DUSP2: variants seen among roughly 807,000 people sequenced by gnomAD.
The protein encoded by DUSP2 is dual specificity protein phosphatase 2.
A neutral mutation model predicts 23.3 loss-of-function variants in DUSP2; 20 were observed. That is an observed-to-expected ratio of 0.86 (90% CI 0.60 to 1.25). The LOEUF (loss-of-function observed/expected upper bound fraction) is 1.25. DUSP2 is among the 50% of genes most tolerant of loss of function. The pLI, the probability that DUSP2 is intolerant of heterozygous loss-of-function variation, is 0.00. For synonymous variants in DUSP2, 231 were observed against 209.7 expected, an observed-to-expected ratio of 1.10 and a Z score of -0.88; for missense variants, 435 against 452.6, an observed-to-expected ratio of 0.96 and a Z score of 0.35.
At chr2:96,144,460 C>T (rs549966683) in intron 2 of DUSP2, 87 bp from the exon 3 acceptor site, 5 of 1,382,268 alleles carry the variant, frequency 3.6e-6, no homozygotes, top group African/African-American at 1.4e-5. Context: ...ATGGGCTGGC[C>T]GAGACAAGAG....
chr2:96,144,503 G>A, intron 2 of DUSP2, 130 bp from the exon 3 acceptor site: 1 of 903,040 alleles, frequency 1.1e-6, no homozygotes, highest in Non-Finnish European at 1.7e-6. Flanking sequence ...ACCTGAGACA[G>A]GTCTCAGGAA....
Position 96,143,816 on chromosome 2 carries a change from C to T in DUSP2, c.*7G>A, listed in dbSNP as rs777787330. 7 of 1,611,716 alleles carry T rather than the reference C, an allele frequency of 4.3e-6. No homozygotes were observed. The highest frequency in any genetic ancestry group is 5.9e-6 in the Non-Finnish European group (7 of 1,179,624). ...ACAGTGGGGCAGGCAGGCAGAGGGG[C>T]ACCACCTCAGTGACACAGCACCTGG... On this transcript the variant is annotated 3_prime_UTR_variant, in exon 4 of 4. Transcript: ENST00000288943.
At position 96,145,061 on chromosome 2, in the gene DUSP2, C is replaced by T; in HGVS notation, c.294G>A (p.Val98=). The part of the protein sequence containing the change: ...AVVLDEGSAS[V]AELRPDSPAH... ...CCGGGCTGTCGGGCCGGAGCTCCGC[C>T]ACCGAGGCACTGCCCTCGTCCAGCA... Residue 98 remains valine (V), a synonymous_variant, in exon 1 of 4, where the codon GTG becomes GTA. Transcript: ENST00000288943. 6.6e-7 allele frequency: 1 copy of T among 1,523,246 alleles called. No homozygotes were observed. Among genetic ancestry groups the T allele is most frequent in the East Asian group, 2.5e-5 (1 of 39,792 alleles). 94.4% of individuals were successfully genotyped at this position (1,523,246 alleles called of 1,614,324 possible).
chr2:96,144,966 C>A lies in DUSP2; in HGVS notation c.388+1G>T, dbSNP rs887928269. The stretch of plus-strand genomic sequence containing the variant: ...GGGCCAAGGGCGGCCGGCTTGCTCA[C>A]CTCGCAGGAAGTACACGGCAGTGGG... On this transcript the variant is annotated splice_donor_variant, in intron 1 of 3. Transcript: ENST00000288943. LOFTEE classifies it high-confidence loss of function. The A allele has an allele frequency of 4.5e-6, 7 of 1,546,348 alleles. No homozygotes were observed. Among genetic ancestry groups the A allele is most frequent in the Non-Finnish European group, 6.1e-6 (7 of 1,148,928 alleles).
rs1244331773 is a variant in DUSP2 at position 96,145,319 on chromosome 2, C to T, written c.36G>A (p.Ala12=). ...GLEAARELEC[A]ALGTLLRDPR... ...GATCCCGCAGCAGCGTGCCCAGCGCCGCGCACTCCAGCTCGCGCGCCGCCT... is the reference window on the plus strand; with the variant it reads ...GATCCCGCAGCAGCGTGCCCAGCGCTGCGCACTCCAGCTCGCGCGCCGCCT... The change falls in exon 1 of 4, where the codon GCG becomes GCA. Residue 12 remains alanine, a synonymous_variant. Transcript: ENST00000288943. 19 of 1,426,780 alleles carry T rather than the reference C, an allele frequency of 1.3e-5. No individual in the cohort carries two copies. Among genetic ancestry groups the T allele is most frequent in the Middle Eastern group, 2.7e-4 (1 of 3,766 alleles). The allele number at this position is 1,426,780 out of a possible 1,614,324, so 88.4% of individuals were successfully genotyped here.
chr2:96,145,146 A>C lies in DUSP2; in HGVS notation c.209T>G (p.Leu70Arg). Residue 70 changes from leucine (L) to arginine (R), a missense_variant, in exon 1 of 4, where the codon CTG becomes CGG. Leu to Arg is a moderately radical substitution (Grantham distance 102). Coordinates refer to ENST00000288943, the MANE Select transcript of DUSP2 (RefSeq NM_004418.4). Reference sequence around the variant, plus strand: ...CGTCCGCAGCGCGCGGTCGGGCAGCAGGCAGGCGAGAACGGCGGCAGGAGG... The same window carrying C: ...CGTCCGCAGCGCGCGGTCGGGCAGCCGGCAGGCGAGAACGGCGGCAGGAGG... ...RGPPAAVLACLLPDRALRTRL... is the reference protein window; with the variant it reads ...RGPPAAVLACRLPDRALRTRL... 1 of 1,337,642 alleles carries C rather than the reference A, an allele frequency of 7.5e-7. No homozygotes were observed. The highest frequency in any genetic ancestry group is 9.5e-7 in the Non-Finnish European group (1 of 1,051,856). The allele number at this position is 1,337,642 out of a possible 1,614,324, so 82.9% of individuals were successfully genotyped here.
In DUSP2 at chr2:96,143,623, A is replaced by AG. The variant is rs1682443481; in HGVS notation, c.*199dup. ...CCGACCCCGAATGAGGGCCAGCCTC[A>AG]GTCCCCCAGCAGAAGAGCACCAGGT... On this transcript the variant is annotated 3_prime_UTR_variant, in exon 4 of 4. Coordinates refer to ENST00000288943, the MANE Select transcript of DUSP2 (RefSeq NM_004418.4). The AG allele has an allele frequency of 3.1e-6, 2 of 653,942 alleles. No individual in the cohort carries two copies. The highest frequency in any genetic ancestry group is 3.7e-5 in the African/African-American group (2 of 54,780). The allele number at this position is 653,942 out of a possible 1,614,324, so 40.5% of individuals were successfully genotyped here.
In DUSP2 at chr2:96,145,213, G is replaced by C; in HGVS notation, c.142C>G (p.Pro48Ala). Residue 48 changes from proline to alanine, a missense_variant, in exon 1 of 4, where the codon CCA becomes GCA. Pro to Ala is a conservative substitution (Grantham distance 27, BLOSUM62 -1). Coordinates refer to ENST00000288943, the MANE Select transcript of DUSP2 (RefSeq NM_004418.4). ...CGCAGCAGCGCGTTCCAAGGCACTG[G>C]CCGCGCGGCGCGCACGTGGCGCCGG... ...FCRRHVRAAR[P>A]VPWNALLRRR... 12 of 1,273,250 alleles carry C rather than the reference G, an allele frequency of 9.4e-6. No individual in the cohort carries two copies. The highest frequency in any genetic ancestry group is 1.6e-5 in the African/African-American group (1 of 64,144). The allele number at this position is 1,273,250 out of a possible 1,614,324, so 78.9% of individuals were successfully genotyped here.
chr2:96,144,472 A>T, intron 2 of DUSP2, 99 bp from the exon 3 acceptor site: 1 of 1,207,374 alleles, frequency 8.3e-7, no homozygotes, highest in South Asian at 1.4e-5. Flanking sequence ...AGACAAGAGG[A>T]CTCCTCAGCC....
chr2:96,143,180 A>G lies in DUSP2; in HGVS notation c.*643T>C, dbSNP rs1347045418. 6.5e-6 allele frequency: 1 copy of G among 152,684 alleles called. No individual in the cohort carries two copies. Among genetic ancestry groups the G allele is most frequent in the African/African-American group, 2.4e-5 (1 of 41,468 alleles). The allele number at this position is 152,684 out of a possible 1,614,324, so 9.5% of individuals were successfully genotyped here. Reference sequence around the variant, plus strand: ...CAGATGCTGGGTTGTTGTTTTTTAAATATAACAATATTTTATTGACATATC... The same window carrying G: ...CAGATGCTGGGTTGTTGTTTTTTAAGTATAACAATATTTTATTGACATATC... On this transcript the variant is annotated 3_prime_UTR_variant, in exon 4 of 4. Transcript: ENST00000288943.
At position 96,145,153 on chromosome 2, in the gene DUSP2, C is replaced by T; in HGVS notation, c.202G>A (p.Ala68Thr). Residue 68 changes from alanine (A) to threonine (T), a missense_variant, in exon 1 of 4, where the codon GCC (alanine) becomes ACC (threonine). Transcript: ENST00000288943. ...RARGPPAAVL[A>T]CLLPDRALRT... is the part of the protein sequence containing the mutation. ...AGCGCGCGGTCGGGCAGCAGGCAGG[C>T]GAGAACGGCGGCAGGAGGGCCGCGC... The T allele has an allele frequency of 7.6e-7, 1 of 1,320,052 alleles. No individual in the cohort carries two copies. Among genetic ancestry groups the T allele is most frequent in the Non-Finnish European group, 9.6e-7 (1 of 1,041,308 alleles). 81.8% of individuals were successfully genotyped at this position (1,320,052 alleles called of 1,614,324 possible). A position where few individuals can be genotyped will look rare whatever the true frequency, so the allele number is the denominator to read the frequency against.
At position 96,144,798 on chromosome 2, in the gene DUSP2, GT is replaced by G; in HGVS notation, c.472del (p.Thr158ProfsTer83). Reference sequence around the variant, plus strand: ...AGGAGCCCTGGAGTCGGAGCGGCTGGTTTTGTCCCCTGTTGGCGGCAGCGCA... The same window carrying G: ...AGGAGCCCTGGAGTCGGAGCGGCTGGTTTGTCCCCTGTTGGCGGCAGCGCA... ...APALPPTGDKTSRSDSRAPVY... is the reference protein window; with the variant it reads ...APALPPTGDKXSRSDSRAPVY... On this transcript the variant is annotated frameshift_variant, in exon 2 of 4. Coordinates refer to ENST00000288943, the MANE Select transcript of DUSP2 (RefSeq NM_004418.4). LOFTEE classifies it high-confidence loss of function. The G allele has an allele frequency of 6.3e-7, 1 of 1,586,234 alleles. No homozygotes were observed. Among genetic ancestry groups the G allele is most frequent in the Non-Finnish European group, 8.6e-7 (1 of 1,167,606 alleles).
chr2:96,145,245 GC>G lies in DUSP2; in HGVS notation c.109del (p.Ala37ProfsTer204). ...TLLLDCRPFL[A>X]FCRRHVRAAR... ...GGCGCGCACGTGGCGCCGGCAGAAG[GC>G]CAGGAAGGGGCGGCAGTCCAGCAGC... On this transcript the variant is annotated frameshift_variant, in exon 1 of 4. Coordinates refer to ENST00000288943, the MANE Select transcript of DUSP2 (RefSeq NM_004418.4). LOFTEE classifies it high-confidence loss of function. 7.8e-7 allele frequency: 1 copy of G among 1,284,662 alleles called. No individual in the cohort carries two copies. Among genetic ancestry groups the G allele is most frequent in the Non-Finnish European group, 9.8e-7 (1 of 1,022,118 alleles). The allele number at this position is 1,284,662 out of a possible 1,614,324, so 79.6% of individuals were successfully genotyped here. A position where few individuals can be genotyped will look rare whatever the true frequency, so the allele number is the denominator to read the frequency against.
rs1207905558 is a variant in DUSP2 at position 96,144,270 on chromosome 2, A to T, written c.614T>A (p.Val205Glu). The T allele has an allele frequency of 1.2e-6, 2 of 1,613,930 alleles. No individual in the cohort carries two copies. Among genetic ancestry groups the T allele is most frequent in the Non-Finnish European group, 1.7e-6 (2 of 1,180,022 alleles). ...QACGITAVLN[V>E]SASCPNHFEG... The stretch of plus-strand genomic sequence containing the variant: ...AAAGTGGTTGGGGCAGCTGGCGGAC[A>T]CGTTGAGGACGGCTGTGATGCCACA... Residue 205 changes from valine (V) to glutamate (E), a missense_variant, in exon 3 of 4, where the codon GTG becomes GAG. Transcript: ENST00000288943.
Position 96,144,877 on chromosome 2 carries a change from A to G in DUSP2, c.394T>C (p.Phe132Leu), listed in dbSNP as rs754112547. 1 of 1,549,166 alleles carries G rather than the reference A, an allele frequency of 6.5e-7. No individual in the cohort carries two copies. Among genetic ancestry groups the G allele is most frequent in the Non-Finnish European group, 8.7e-7 (1 of 1,145,794 alleles). Reference protein sequence around the residue: ...PTAVYFLRGGFDGFQGCCPDL... With the variant: ...PTAVYFLRGGLDGFQGCCPDL... ...GGACAGCAGCCCTGGAAGCCGTCGA[A>G]GCCTCCTGCAAGGAGGGGAAGAGCA... The change falls in exon 2 of 4, where the codon TTC (phenylalanine) becomes CTC (leucine). Residue 132 changes from phenylalanine (F) to leucine (L), a missense_variant. By Grantham distance (22) the Phe-to-Leu change is conservative. Transcript: ENST00000288943.
At chr2:96,144,917 A>G in intron 1 of DUSP2, 35 bp from the exon 2 acceptor site, 3 of 1,548,736 alleles carry the variant, frequency 1.9e-6, no homozygotes, top group Non-Finnish European at 2.6e-6. Flanking sequence ...CAGCAGGGAA[A>G]GCCGGGCTGG....
Position 96,144,233 on chromosome 2 carries a change from G to A in DUSP2, c.651C>T (p.Phe217=). 6.2e-7 allele frequency: 1 copy of A among 1,614,182 alleles called. No homozygotes were observed. The stretch of plus-strand genomic sequence containing the variant: ...CCTCCACAGGGATACTCTTGTAGCG[G>A]AAAAGGCCCTCAAAGTGGTTGGGGC... ...ASCPNHFEGL[F]RYKSIPVEDN... is the part of the protein sequence containing the mutation. Residue 217 remains phenylalanine (F), a synonymous_variant, in exon 3 of 4, where the codon TTC becomes TTT. Transcript: ENST00000288943.
rs1029372340 is a variant in DUSP2, at chr2:96,145,015, G to C, written c.340C>G (p.Leu114Val). 6.5e-7 allele frequency: 1 copy of C among 1,539,684 alleles called. No homozygotes were observed. Among genetic ancestry groups the C allele is most frequent in the South Asian group, 1.2e-5 (1 of 84,306 alleles). Residue 114 changes from leucine to valine, a missense_variant, in exon 1 of 4, where the codon CTG (leucine) becomes GTG (valine). Coordinates refer to ENST00000288943, the MANE Select transcript of DUSP2 (RefSeq NM_004418.4). Reference protein sequence around the residue: ...DSPAHVLLAALLHETRAGPTA... With the variant: ...DSPAHVLLAAVLHETRAGPTA... ...GGCCCCGCGCGGGTCTCGTGCAGCA[G>C]CGCGGCCAGCAGCACATGAGCCGGG...
chr2:96,144,875 G>A lies in DUSP2; in HGVS notation c.396C>T (p.Phe132=). Residue 132 remains phenylalanine, a synonymous_variant, in exon 2 of 4, where the codon TTC becomes TTT. Coordinates refer to ENST00000288943, the MANE Select transcript of DUSP2 (RefSeq NM_004418.4). ...PTAVYFLRGG[F]DGFQGCCPDL... is the part of the protein sequence containing the mutation. ...CGGGACAGCAGCCCTGGAAGCCGTC[G>A]AAGCCTCCTGCAAGGAGGGGAAGAG... is the stretch of plus-strand genomic sequence containing the variant. 6.5e-7 allele frequency: 1 copy of A among 1,549,268 alleles called. No individual in the cohort carries two copies. The highest frequency in any genetic ancestry group is 8.7e-7 in the Non-Finnish European group (1 of 1,145,908).
Sources: gnomAD v4.1 joint callset for allele counts on GRCh38, gnomAD v4.1.1 for gene constraint, MANE v1.5 for transcripts, NCBI Gene and HGNC (gene_info 2026-07-23, HGNC 2026-07-21) for gene names.